The following MLYCD variants were observed in gnomAD, a reference collection of about 807,000 sequenced individuals.
MLYCD encodes the protein malonyl-CoA decarboxylase.
A neutral mutation model predicts 35.8 loss-of-function variants in MLYCD; 27 were observed. That is an observed-to-expected ratio of 0.75 (90% CI 0.56 to 1.04). The LOEUF (loss-of-function observed/expected upper bound fraction) is 1.04, where lower values mean the gene tolerates loss of function less well. Ranked by LOEUF, MLYCD falls within the 50% of genes least tolerant of loss-of-function variation. The probability of loss-of-function intolerance (pLI) is 0.00; values close to 1 mark genes in which losing one functional copy is unlikely to be tolerated. For synonymous variants in MLYCD, 403 were observed against 302.4 expected, an observed-to-expected ratio of 1.33 and a Z score of -3.45; for missense variants, 917 against 665.1, an observed-to-expected ratio of 1.38 and a Z score of -4.17.
chr16:83,901,853 C>G (rs74941217), intron 1 of MLYCD, among the ~76,000 whole-genome samples: 6,929 of 152,182 alleles, frequency 0.046, 245 homozygotes, highest in East Asian at 0.14. Flanking sequence ...ACATTGCATA[C>G]TGTAATGCTA....
At position 83,899,375 on chromosome 16, in the gene MLYCD, G is replaced by A. The variant is rs1906692488; in HGVS notation, c.231G>A (p.Gly77=). The A allele has an allele frequency of 6.5e-7, 1 of 1,527,180 alleles. No homozygotes were observed. The highest frequency in any genetic ancestry group is 2.6e-5 in the East Asian group (1 of 38,098). 94.6% of individuals were successfully genotyped at this position (1,527,180 alleles called of 1,614,324 possible). A position where few individuals can be genotyped will look rare whatever the true frequency, so the allele number is the denominator to read the frequency against. ...QCADFVSFYG[G]LAETAQRAEL... is the part of the protein sequence containing the mutation. ...CGGACTTCGTGAGCTTCTACGGTGG[G>A]CTGGCCGAGACGGCCCAGCGGGCCG... The change falls in exon 1 of 5, where the codon GGG becomes GGA. Residue 77 remains glycine (G), a synonymous_variant. Coordinates refer to ENST00000262430, the MANE Select transcript of MLYCD (RefSeq NM_012213.3).
chr16:83,915,225 G>C lies in MLYCD; in HGVS notation c.1218G>C (p.Leu406=), dbSNP rs1214533767. The change falls in exon 5 of 5, where the codon CTG becomes CTC. Residue 406 remains leucine, a synonymous_variant. Coordinates refer to ENST00000262430, the MANE Select transcript of MLYCD (RefSeq NM_012213.3). ...TPLMRLCAWY[L]YGEKHRGYAL... is the part of the protein sequence containing the mutation. ...TGATGAGGCTGTGCGCCTGGTACCT[G>C]TATGGAGAGAAGCACCGCGGCTACG... is the stretch of plus-strand genomic sequence containing the variant. The C allele has an allele frequency of 6.2e-7, 1 of 1,613,578 alleles. No individual in the cohort carries two copies. Among genetic ancestry groups the C allele is most frequent in the African/African-American group, 1.3e-5 (1 of 74,940 alleles).
At position 83,918,140 on chromosome 16, in the gene MLYCD, C is replaced by G. The variant is rs1464729262; in HGVS notation, c.*2651C>G. 6.6e-6 allele frequency: 1 copy of G among 152,260 alleles called. No homozygotes were observed. The highest frequency in any genetic ancestry group is 6.5e-5 in the Admixed American group (1 of 15,284). 9.4% of individuals were successfully genotyped at this position (152,260 alleles called of 1,614,324 possible). ...CAAGGCGGCTCATCACATCACGTTA[C>G]TCTTTAGGTCAAATGTAACCCTCCC... On this transcript the variant is annotated 3_prime_UTR_variant, in exon 5 of 5. Coordinates refer to ENST00000262430, the MANE Select transcript of MLYCD (RefSeq NM_012213.3).
rs568326162 is a variant in MLYCD at position 83,910,685 on chromosome 16, C to T, written c.799-1533C>T. 7.0e-3 allele frequency among the ~76,000 whole-genome samples: 968 copies of T among 138,596 alleles called. 9 individuals are homozygous for T. Among genetic ancestry groups the T allele is most frequent in the Middle Eastern group, 0.015 (4 of 268 alleles). The allele number at this position is 138,596 out of a possible 152,430, so 90.9% of individuals were successfully genotyped here. On this transcript the variant is annotated intron_variant, in intron 3 of 4. Transcript: ENST00000262430. ...CAGCCTGGGCGACAGAGCAAGACTC[C>T]ATCTCAAAAAAAAAAAAAAAAAGAA...
intron 1 of MLYCD, among the ~76,000 whole-genome samples, chr16:83,901,788 G>A (rs1206979588): frequency 2.6e-5 from 4 of 152,202 alleles, no homozygotes; most frequent in Non-Finnish European, 5.9e-5. Context: ...TGAGTCCTTA[G>A]ACATTCACAA....
At position 83,915,649 on chromosome 16, in the gene MLYCD, C is replaced by A; in HGVS notation, c.*160C>A. Reference sequence around the variant, plus strand: ...ACACTGTGAGGCCAGGCCTCAACTTCCCTCACCCTGGGCGTGACATGCACC... The same window carrying A: ...ACACTGTGAGGCCAGGCCTCAACTTACCTCACCCTGGGCGTGACATGCACC... On this transcript the variant is annotated 3_prime_UTR_variant, in exon 5 of 5. Coordinates refer to ENST00000262430, the MANE Select transcript of MLYCD (RefSeq NM_012213.3). 2.0e-6 allele frequency: 3 copies of A among 1,510,226 alleles called. 1 individual carries two copies. In the South Asian group the frequency reaches 3.7e-5, roughly 19 times the overall value. 93.6% of individuals were successfully genotyped at this position (1,510,226 alleles called of 1,614,324 possible). A position where few individuals can be genotyped will look rare whatever the true frequency, so the allele number is the denominator to read the frequency against.
intron 1 of MLYCD, among the ~76,000 whole-genome samples, chr16:83,900,866 T>A (rs1377077218): frequency 6.6e-6 from 1 of 152,198 alleles, no homozygotes; most frequent in Non-Finnish European, 1.5e-5. Flanking sequence ...ATGCTGAGGT[T>A]GTGTTACTTG....
chr16:83,915,498 C>G lies in MLYCD; in HGVS notation c.*9C>G. 6.2e-7 allele frequency: 1 copy of G among 1,609,214 alleles called. No homozygotes were observed. Among genetic ancestry groups the G allele is most frequent in the Non-Finnish European group, 8.5e-7 (1 of 1,179,930 alleles). On this transcript the variant is annotated 3_prime_UTR_variant, in exon 5 of 5. Coordinates refer to ENST00000262430, the MANE Select transcript of MLYCD (RefSeq NM_012213.3). ...AGAACAGCAAGCTCTGACAGTAAAC[C>G]TCTCCTAAAGCACAGGGCCCCGGCT...
chr16:83,926,800 T>C lies in MLYCD; in HGVS notation c.*11311T>C, dbSNP rs1907821507. 3 of 152,218 alleles carry C rather than the reference T, an allele frequency of 2.0e-5. No homozygotes were observed. The highest frequency in any genetic ancestry group is 7.2e-5 in the African/African-American group (3 of 41,462). The allele number at this position is 152,218 out of a possible 1,614,324, so 9.4% of individuals were successfully genotyped here. A position where few individuals can be genotyped will look rare whatever the true frequency, so the allele number is the denominator to read the frequency against. ...TCTCTGGGACAGATGGATCCCAGTC[T>C]GGGTCCTCGCAAGCGCTGTGCACCC... On this transcript the variant is annotated 3_prime_UTR_variant, in exon 5 of 5. Coordinates refer to ENST00000262430, the MANE Select transcript of MLYCD (RefSeq NM_012213.3).
In MLYCD at chr16:83,915,729, G is replaced by A; in HGVS notation, c.*240G>A. The A allele has an allele frequency of 7.1e-7, 1 of 1,398,748 alleles. No individual in the cohort carries two copies. Among genetic ancestry groups the A allele is most frequent in the Non-Finnish European group, 9.3e-7 (1 of 1,074,338 alleles). 86.6% of individuals were successfully genotyped at this position (1,398,748 alleles called of 1,614,324 possible). On this transcript the variant is annotated 3_prime_UTR_variant, in exon 5 of 5. Coordinates refer to ENST00000262430, the MANE Select transcript of MLYCD (RefSeq NM_012213.3). The stretch of plus-strand genomic sequence containing the variant: ...ACACAAATGAGTGGGTTGCTGTGCT[G>A]TCTCCGGAAGATTCTGTCGTTGCCC...
Position 83,915,899 on chromosome 16 carries a change from T to C in MLYCD, c.*410T>C, listed in dbSNP as rs1907367684. ...GCCCAGATAAGAATAGGTGTTCCTTTGTGCTCATAAAACAGAATGCGGCGA... is the reference window on the plus strand; with the variant it reads ...GCCCAGATAAGAATAGGTGTTCCTTCGTGCTCATAAAACAGAATGCGGCGA... On this transcript the variant is annotated 3_prime_UTR_variant, in exon 5 of 5. Transcript: ENST00000262430. The C allele has an allele frequency of 9.8e-6, 11 of 1,119,748 alleles. No individual in the cohort carries two copies. Among genetic ancestry groups the C allele is most frequent in the Non-Finnish European group, 1.2e-5 (11 of 908,824 alleles). 69.4% of individuals were successfully genotyped at this position (1,119,748 alleles called of 1,614,324 possible).
rs550121531 is a variant in MLYCD, at chr16:83,919,131, A to C, written c.*3642A>C. ...ACACAGACACAGTGCACAGGAGAAC[A>C]CACAGTGCACAGGAGAACACAGTGC... is the stretch of plus-strand genomic sequence containing the variant. On this transcript the variant is annotated 3_prime_UTR_variant, in exon 5 of 5. Coordinates refer to ENST00000262430, the MANE Select transcript of MLYCD (RefSeq NM_012213.3). 25 of 150,818 alleles carry C rather than the reference A, an allele frequency of 1.7e-4. No homozygotes were observed. Among genetic ancestry groups the C allele is most frequent in the African/African-American group, 5.7e-4 (23 of 40,662 alleles). The allele number at this position is 150,818 out of a possible 1,614,324, so 9.3% of individuals were successfully genotyped here.
rs75986766 is a variant in MLYCD, at chr16:83,899,849, C to T, written c.528+177C>T. Among the ~76,000 whole-genome samples, 9,864 of 152,298 alleles carry T rather than the reference C, an allele frequency of 0.065. 392 individuals are homozygous for T. Among genetic ancestry groups the T allele is most frequent in the East Asian group, 0.14 (718 of 5,170 alleles). On this transcript the variant is annotated intron_variant, in intron 1 of 4. Transcript: ENST00000262430. ...CTTCCCACGCTGTCTGAGTCCTGGC[C>T]TCGTCAGAGCACACCCCCGCCTTCC... is the stretch of plus-strand genomic sequence containing the variant.
chr16:83,902,458 C>G (rs1353981670), intron 1 of MLYCD, among the ~76,000 whole-genome samples: 1 of 151,076 alleles, frequency 6.6e-6, no homozygotes, highest in East Asian at 1.9e-4. Flanking sequence ...TAACCTCTCA[C>G]CAGAATCACT....
intron 3 of MLYCD, 179 bp from the exon 4 acceptor site, chr16:83,912,039 G>T: frequency 1.2e-6 from 1 of 847,634 alleles, no homozygotes; most frequent in Non-Finnish European, 1.9e-6. Context: ...GCCTCCTCCA[G>T]AGAGTTTTCA....
rs1191074675 is a variant in MLYCD, at chr16:83,899,547, C to T, written c.403C>T (p.Pro135Ser). The T allele has an allele frequency of 2.5e-6, 4 of 1,592,406 alleles. No individual in the cohort carries two copies. The highest frequency in any genetic ancestry group is 1.3e-5 in the African/African-American group (1 of 74,298). ...GGACCGGCTGCGCTACGCGCTGGTG[C>T]CGCGCTATCGCGGCCTCTTCCACCA... The part of the protein sequence containing the change: ...AEDRLRYALV[P>S]RYRGLFHHIS... The change falls in exon 1 of 5, where the codon CCG (proline) becomes TCG (serine). Residue 135 changes from proline (P) to serine (S), a missense_variant. Pro to Ser is a moderately conservative substitution (Grantham distance 74, BLOSUM62 -1). Coordinates refer to ENST00000262430, the MANE Select transcript of MLYCD (RefSeq NM_012213.3).
intron 3 of MLYCD, among the ~76,000 whole-genome samples, chr16:83,909,627 T>G (rs551435115): frequency 1.4e-4 from 21 of 150,908 alleles, no homozygotes; most frequent in South Asian, 2.1e-4. Context: ...TGTGTTTTTT[T>G]TTTTTTTTTT....
At chr16:83,907,854 T>C (rs77330044) in intron 2 of MLYCD, among the ~76,000 whole-genome samples, 2,169 of 152,300 alleles carry the variant, frequency 0.014, 50 homozygotes, top group African/African-American at 0.046. Context: ...CGTTAAAATC[T>C]GCATGAATCC....
chr16:83,902,580 A>G (rs1300041074), intron 1 of MLYCD, among the ~76,000 whole-genome samples: 2 of 143,920 alleles, frequency 1.4e-5, no homozygotes, highest in Non-Finnish European at 3.0e-5. Flanking sequence ...ATCTCTGCTC[A>G]TTGCAACCTT....
Sources: gnomAD v4.1 joint callset for allele counts (sites outside exome capture counted in the v4.1 genomes callset) on GRCh38, gnomAD v4.1.1 for gene constraint, MANE v1.5 for transcripts, NCBI Gene and HGNC (gene_info 2026-07-23, HGNC 2026-07-21) for gene names.